AGBL4: variants seen among roughly 807,000 people sequenced by gnomAD.
AGBL4 encodes AGBL carboxypeptidase 4, also known as cytosolic carboxypeptidase 6.
A neutral mutation model predicts 66.4 loss-of-function variants in AGBL4; 58 were observed. The ratio of observed to expected loss-of-function variants is 0.87; its 90% CI spans 0.71 to 1.09. The LOEUF is 1.09. AGBL4 is among the 50% of genes least tolerant of loss of function. The pLI, the probability that AGBL4 is intolerant of heterozygous loss-of-function variation, is 0.00. For missense variants in AGBL4, 579 were observed against 631.0 expected, an observed-to-expected ratio of 0.92 and a Z score of 0.88; for synonymous variants, 234 against 222.9, an observed-to-expected ratio of 1.05 and a Z score of -0.44.
intron 2 of AGBL4, among the ~76,000 whole-genome samples, chr1:49,767,661 A>G (rs1364234951): frequency 2.0e-5 from 3 of 152,108 alleles, no homozygotes; most frequent in African/African-American, 7.2e-5. Context: ...CAACAAAACC[A>G]AAAGCTGTTT....
intron 4 of AGBL4, among the ~76,000 whole-genome samples, chr1:49,093,243 G>A (rs1261698046): frequency 6.6e-6 from 1 of 152,128 alleles, no homozygotes; most frequent in Non-Finnish European, 1.5e-5. Flanking sequence ...GTCTGCTTCA[G>A]TAACTGACCC....
chr1:48,902,795 T>G (rs1016480462), intron 5 of AGBL4, among the ~76,000 whole-genome samples: 1 of 152,136 alleles, frequency 6.6e-6, no homozygotes, highest in African/African-American at 2.4e-5. Context: ...GAGACTGCAG[T>G]AAACTTCCTA....
chr1:49,399,124 C>T (rs1201835448), intron 3 of AGBL4, among the ~76,000 whole-genome samples: 1 of 152,122 alleles, frequency 6.6e-6, no homozygotes, highest in Non-Finnish European at 1.5e-5. Context: ...TGGCTTATTT[C>T]ACTTAACAAA....
At chr1:48,549,668 A>G (rs1311722118) in intron 11 of AGBL4, among the ~76,000 whole-genome samples, 2 of 152,102 alleles carry the variant, frequency 1.3e-5, no homozygotes, top group Non-Finnish European at 2.9e-5. Flanking sequence ...GGATAATCAG[A>G]GAGGCTGAGA....
intron 3 of AGBL4, among the ~76,000 whole-genome samples, chr1:49,661,172 T>C (rs1646262202): frequency 6.6e-6 from 1 of 151,998 alleles, no homozygotes; most frequent in Admixed American, 6.6e-5. Context: ...CTATGGCAAA[T>C]AACCACATAA....
At chr1:48,569,765 A>C (rs970431571) in intron 11 of AGBL4, among the ~76,000 whole-genome samples, 2 of 152,198 alleles carry the variant, frequency 1.3e-5, no homozygotes, top group African/African-American at 4.8e-5. Context: ...CCTTGGACAA[A>C]TCCCCTAATT....
At chr1:49,677,993 T>A (rs4926539) in intron 3 of AGBL4, among the ~76,000 whole-genome samples, 14,255 of 152,200 alleles carry the variant, frequency 0.094, 886 homozygotes, top group African/African-American at 0.16. Flanking sequence ...TTACGGCACC[T>A]AAAGCTGACT....
chr1:49,327,582 C>A (rs1036667130), intron 3 of AGBL4, among the ~76,000 whole-genome samples: 1 of 152,174 alleles, frequency 6.6e-6, no homozygotes, highest in Admixed American at 6.5e-5. Context: ...TGCAGCATCC[C>A]CCAGAGGGGA....
At chr1:49,500,009 C>G (rs1005931994) in intron 3 of AGBL4, among the ~76,000 whole-genome samples, 1 of 151,992 alleles carries the variant, frequency 6.6e-6, no homozygotes, top group African/African-American at 2.4e-5. Context: ...AAAGTGTTCC[C>G]TTTTCACCAC....
intron 3 of AGBL4, among the ~76,000 whole-genome samples, chr1:49,628,212 A>G (rs1419823720): frequency 1.3e-5 from 2 of 152,116 alleles, no homozygotes; most frequent in Non-Finnish European, 2.9e-5. Flanking sequence ...CTCCTTTTGC[A>G]GCTCACCGTA....
intron 8 of AGBL4, among the ~76,000 whole-genome samples, chr1:48,640,758 T>G (rs1375671127): frequency 6.6e-6 from 1 of 152,172 alleles, no homozygotes; most frequent in East Asian, 1.9e-4. Context: ...AGCTACTCAT[T>G]TGTCTGATCT....
chr1:49,874,680 C>T (rs1646931047), intron 1 of AGBL4, among the ~76,000 whole-genome samples: 1 of 152,062 alleles, frequency 6.6e-6, no homozygotes, highest in African/African-American at 2.4e-5. Context: ...TACAGAGTAA[C>T]TTTACACATC....
chr1:48,738,000 G>A (rs1299367118), intron 6 of AGBL4, among the ~76,000 whole-genome samples: 2 of 152,134 alleles, frequency 1.3e-5, no homozygotes, highest in African/African-American at 4.8e-5. Context: ...CTCTGGAGAG[G>A]TCCCTGGTCT....
At chr1:49,324,371 G>T (rs1218023454) in intron 3 of AGBL4, among the ~76,000 whole-genome samples, 1 of 152,120 alleles carries the variant, frequency 6.6e-6, no homozygotes, top group African/African-American at 2.4e-5. Context: ...TTATCCAACA[G>T]AGCTTGGCAC....
intron 1 of AGBL4, among the ~76,000 whole-genome samples, chr1:49,968,879 T>C (rs1657803994): frequency 6.6e-6 from 1 of 152,254 alleles, no homozygotes; most frequent in South Asian, 2.1e-4. Context: ...TAACTAGCTC[T>C]GAGCTACCTA....
At chr1:49,739,724 C>T (rs1650258177) in intron 2 of AGBL4, among the ~76,000 whole-genome samples, 1 of 152,178 alleles carries the variant, frequency 6.6e-6, no homozygotes. Flanking sequence ...CTCTACAAGC[C>T]AGAAGAGAGT....
chr1:49,114,224 T>C (rs1645470794), intron 4 of AGBL4, among the ~76,000 whole-genome samples: 1 of 152,252 alleles, frequency 6.6e-6, no homozygotes, highest in Admixed American at 6.5e-5. Flanking sequence ...TTGCAGTTTC[T>C]ATATTAGCAC....
rs143656198 is a variant in AGBL4 at position 49,991,461 on chromosome 1, C to G, written c.34+32302G>C. Among the ~76,000 whole-genome samples, 217 of 152,162 alleles carry G rather than the reference C, an allele frequency of 1.4e-3. 8 individuals are homozygous for G. The East Asian group carries it at 0.039, about 27-fold the overall frequency. On this transcript the variant is annotated intron_variant, in intron 1 of 13. Coordinates refer to ENST00000371839, the MANE Select transcript of AGBL4 (RefSeq NM_032785.4). ...AGATTTTGCCAAAAATTTTACAAAGCCTGGTTTTTCTAAATCTTTAAACAA... is the reference window on the plus strand; with the variant it reads ...AGATTTTGCCAAAAATTTTACAAAGGCTGGTTTTTCTAAATCTTTAAACAA...
chr1:49,067,446 T>A (rs1251665572), intron 4 of AGBL4, among the ~76,000 whole-genome samples: 1 of 152,224 alleles, frequency 6.6e-6, no homozygotes, highest in Non-Finnish European at 1.5e-5. Flanking sequence ...TTGCTTGCTC[T>A]GCTTAGCCCA....
Sources: allele counts gnomAD v4.1 joint callset (sites outside exome capture counted in the v4.1 genomes callset), GRCh38; gene constraint gnomAD v4.1.1; transcripts MANE v1.5; gene names NCBI Gene and HGNC (gene_info 2026-07-23, HGNC 2026-07-21).